Variants in ZNF586 observed in about 807,000 individuals in gnomAD.
The protein encoded by ZNF586 is zinc finger protein 586.
Under a neutral mutation model 6.7 loss-of-function variants are expected in ZNF586, and 7 were observed. The ratio of observed to expected loss-of-function variants is 1.04; its 90% CI spans 0.59 to 1.95. The LOEUF is 1.95. Ranked by LOEUF, ZNF586 falls within the 30% of genes most tolerant of loss-of-function variation. The probability of loss-of-function intolerance (pLI) is 0.00; values close to 1 mark genes in which losing one functional copy is unlikely to be tolerated. For synonymous variants in ZNF586, 166 were observed against 168.7 expected (o/e 0.98, Z 0.12); for missense variants, 442 against 489.6 (o/e 0.90, Z 0.92).
At position 57,780,382 on chromosome 19, in the gene ZNF586, T is replaced by A. The variant is rs1987357549; in HGVS notation, c.*586T>A. 6.5e-6 allele frequency: 1 copy of A among 152,780 alleles called. No homozygotes were observed. The highest frequency in any genetic ancestry group is 2.4e-5 in the African/African-American group (1 of 41,450). 9.5% of individuals were successfully genotyped at this position (152,780 alleles called of 1,614,324 possible). ...TTCTCATTTCTTTCTCTCCAATGAG[T>A]TAGGCCATGAACCTGACTCATTTTT... is the stretch of plus-strand genomic sequence containing the variant. On this transcript the variant is annotated 3_prime_UTR_variant, in exon 3 of 3. Transcript: ENST00000396154.
intron 1 of ZNF586, among the ~76,000 whole-genome samples, chr19:57,774,326 C>A (rs187744846): frequency 6.6e-6 from 1 of 151,198 alleles, no homozygotes. Context: ...AGTTGGAGAC[C>A]AGCCTGACCA....
At position 57,769,822 on chromosome 19, in the gene ZNF586, G is replaced by GA. The variant is rs1987042042; in HGVS notation, c.-21_-20insA. ...ACGACAGGAACACCGCCGAGCCCGC[G>GA]TTCCCCCCCCGCCCAGAGTCATGGC... On this transcript the variant is annotated 5_prime_UTR_variant, in exon 1 of 3. Transcript: ENST00000396154. The GA allele has an allele frequency of 1.3e-6, 2 of 1,524,734 alleles. No individual in the cohort carries two copies. Among genetic ancestry groups the GA allele is most frequent in the Non-Finnish European group, 1.8e-6 (2 of 1,135,782 alleles). 94.5% of individuals were successfully genotyped at this position (1,524,734 alleles called of 1,614,324 possible). A position where few individuals can be genotyped will look rare whatever the true frequency, so the allele number is the denominator to read the frequency against.
At chr19:57,771,433 G>A (rs1987094928) in intron 1 of ZNF586, among the ~76,000 whole-genome samples, 1 of 151,938 alleles carries the variant, frequency 6.6e-6, no homozygotes, top group Admixed American at 6.6e-5. Context: ...AGGAACTACC[G>A]CACCTCCTAG....
rs1194240790 is a variant in ZNF586, at chr19:57,776,676, T to C, written c.163+7T>C. ...ACACTTATATCCTCCCTGGGTAAGG[T>C]ACTCATATTCACCTGTGACCTGAGT... On this transcript the variant is annotated splice_region_variant and intron_variant, in intron 2 of 2. Coordinates refer to ENST00000396154, the MANE Select transcript of ZNF586 (RefSeq NM_017652.4). 1 of 1,594,100 alleles carries C rather than the reference T, an allele frequency of 6.3e-7. No homozygotes were observed. Among genetic ancestry groups the C allele is most frequent in the Non-Finnish European group, 8.5e-7 (1 of 1,170,824 alleles).
chr19:57,776,801 C>T (rs2285615), intron 2 of ZNF586, 132 bp downstream of exon 2: 472,896 of 1,125,880 alleles, frequency 0.42, 104,664 homozygotes, highest in African/African-American at 0.73. Context: ...TGTTGTTGGT[C>T]GGACTGAGGT....
chr19:57,775,246 C>T (rs543138138), intron 1 of ZNF586, among the ~76,000 whole-genome samples: 1 of 152,232 alleles, frequency 6.6e-6, no homozygotes, highest in African/African-American at 2.4e-5. Flanking sequence ...CTGCCCACCT[C>T]GGCCTCCCAA....
At chr19:57,774,054 A>G (rs1169215057) in intron 1 of ZNF586, among the ~76,000 whole-genome samples, 1 of 151,788 alleles carries the variant, frequency 6.6e-6, no homozygotes, top group African/African-American at 2.4e-5. Context: ...CATCTCTACT[A>G]AAAATACAAA....
Position 57,776,642 on chromosome 19 carries a change from G to T in ZNF586, c.136G>T (p.Glu46Ter), listed in dbSNP as rs1987243797. Residue 46 changes from glutamate (E) to a stop codon, truncating the protein, a stop_gained, in exon 2 of 3, where the codon GAG (glutamate) becomes TAG (stop). Coordinates refer to ENST00000396154, the MANE Select transcript of ZNF586 (RefSeq NM_017652.4). LOFTEE classifies it low-confidence loss of function (END_TRUNC). The part of the protein sequence containing the change: ...QRCLYRDVML[E>*]TLTLISSLGC... ...ATGCCTGTACCGTGACGTGATGCTG[G>T]AGACCTTGACACTTATATCCTCCCT... The T allele has an allele frequency of 1.9e-6, 3 of 1,609,748 alleles. No individual in the cohort carries two copies. The highest frequency in any genetic ancestry group is 2.5e-6 in the Non-Finnish European group (3 of 1,178,250).
At chr19:57,770,039 G>C (rs538751319) in intron 1 of ZNF586, among the ~76,000 whole-genome samples, 161 bp downstream of exon 1, 2 of 152,320 alleles carry the variant, frequency 1.3e-5, no homozygotes, top group East Asian at 1.9e-4. Flanking sequence ...CAGTTGATGC[G>C]GTCGGCAGAG....
rs569890806 is a variant in ZNF586 at position 57,773,773 on chromosome 19, C to T, written c.37-2770C>T. On this transcript the variant is annotated intron_variant, in intron 1 of 2. Transcript: ENST00000396154. ...GTTTATTGGCCACTTTGTGGCCTCA[C>T]CAAGATTTTGAGATGACTTTAGTGT... Among the ~76,000 whole-genome samples, 5 of 152,312 alleles carry T rather than the reference C, an allele frequency of 3.3e-5. No homozygotes were observed. In the East Asian group the frequency reaches 7.7e-4, roughly 23 times the overall value.
chr19:57,770,391 C>T (rs1009685937), intron 1 of ZNF586, among the ~76,000 whole-genome samples: 5 of 152,132 alleles, frequency 3.3e-5, no homozygotes, highest in Admixed American at 6.5e-5. Flanking sequence ...TCCCAAAGTG[C>T]TGGGAATACA....
chr19:57,770,874 C>A (rs979820392), intron 1 of ZNF586, among the ~76,000 whole-genome samples: 6 of 151,470 alleles, frequency 4.0e-5, no homozygotes, highest in African/African-American at 1.5e-4. Context: ...TTTTCGGCGA[C>A]GGGTTCTCAC....
intron 1 of ZNF586, among the ~76,000 whole-genome samples, chr19:57,775,520 G>A (rs1987212921): frequency 6.6e-6 from 1 of 151,330 alleles, no homozygotes. Context: ...AAACAAGCCA[G>A]TTGCATTCTT....
chr19:57,774,421 G>A (rs1987176062), intron 1 of ZNF586, among the ~76,000 whole-genome samples: 2 of 151,616 alleles, frequency 1.3e-5, no homozygotes, highest in African/African-American at 4.8e-5. Context: ...TACTCGGGAG[G>A]CTGAGGCAGG....
chr19:57,770,157 CTT>C (rs56139513), intron 1 of ZNF586, among the ~76,000 whole-genome samples: 6 of 128,214 alleles, frequency 4.7e-5, no homozygotes, highest in Admixed American at 8.3e-5. Flanking sequence ...GGAGTTATTT[CTT>C]TTTTTTTTTT....
At position 57,771,839 on chromosome 19, in the gene ZNF586, T is replaced by C. The variant is rs111947971; in HGVS notation, c.36+1961T>C. Among the ~76,000 whole-genome samples the C allele has an allele frequency of 2.7e-3, 410 of 152,074 alleles. 3 individuals are homozygous for C. The highest frequency in any genetic ancestry group is 9.2e-3 in the African/African-American group (380 of 41,480). On this transcript the variant is annotated intron_variant, in intron 1 of 2. Transcript: ENST00000396154. Reference sequence around the variant, plus strand: ...TAGAGGGGCAAGTCAATTTTTTTTTTCCCAAGATGGAGTCTGGACCTGTTG... The same window carrying C: ...TAGAGGGGCAAGTCAATTTTTTTTTCCCCAAGATGGAGTCTGGACCTGTTG...
chr19:57,773,946 T>G (rs1987158309), intron 1 of ZNF586, among the ~76,000 whole-genome samples: 1 of 152,182 alleles, frequency 6.6e-6, no homozygotes. Context: ...CCGGGCATAG[T>G]GGCTCACACC....
Position 57,778,396 on chromosome 19 carries a change from A to G in ZNF586, c.164-355A>G, listed in dbSNP as rs999715140. 1.8e-4 allele frequency among the ~76,000 whole-genome samples: 28 copies of G among 152,212 alleles called. No homozygotes were observed. The Middle Eastern group carries it at 0.017, about 92-fold the overall frequency. The stretch of plus-strand genomic sequence containing the variant: ...GGCCACGTATATACCTATTCTTAAC[A>G]GTCCCTGACCAAAGGATGTTGTGCT... On this transcript the variant is annotated intron_variant, in intron 2 of 2. Coordinates refer to ENST00000396154, the MANE Select transcript of ZNF586 (RefSeq NM_017652.4).
chr19:57,770,839 G>A (rs1432285274), intron 1 of ZNF586, among the ~76,000 whole-genome samples: 1 of 151,880 alleles, frequency 6.6e-6, no homozygotes, highest in Non-Finnish European at 1.5e-5. Flanking sequence ...TATCCCACAT[G>A]TCTAGATCTT....
Sources: allele counts gnomAD v4.1 joint callset (sites outside exome capture counted in the v4.1 genomes callset), GRCh38; gene constraint gnomAD v4.1.1; transcripts MANE v1.5; gene names NCBI Gene and HGNC (gene_info 2026-07-23, HGNC 2026-07-21).